WDR90: variants seen among roughly 807,000 people sequenced by gnomAD.
WDR90 encodes the protein WD repeat domain 90.
A neutral mutation model predicts 195.2 loss-of-function variants in WDR90; 238 were observed. The ratio of observed to expected loss-of-function variants is 1.22; its 90% CI spans 1.10 to 1.36. The LOEUF (loss-of-function observed/expected upper bound fraction) is 1.36, where lower values mean the gene tolerates loss of function less well. Among genes scored for constraint, WDR90 ranks in the 40% most tolerant of loss-of-function variants. WDR90 has a pLI of 0.00. For missense variants in WDR90, 2,734 were observed against 2,439.5 expected, an observed-to-expected ratio of 1.12 and a Z score of -2.54; for synonymous variants, 1,265 against 1,052.4, an observed-to-expected ratio of 1.20 and a Z score of -3.91.
At position 666,206 on chromosome 16, in the gene WDR90, C is replaced by T. The variant is rs775151257; in HGVS notation, c.4610-14C>T. 2.3e-5 allele frequency: 37 copies of T among 1,608,974 alleles called. No individual in the cohort carries two copies. The highest frequency in any genetic ancestry group is 2.7e-5 in the Non-Finnish European group (32 of 1,177,122). ...TCCGGGCTGGGGGCTCACAGGGTGA[C>T]GGCATGGTCCCAGGTCAGACTGTCC... is the stretch of plus-strand genomic sequence containing the variant. On this transcript the variant is annotated splice_polypyrimidine_tract_variant and intron_variant, in intron 36 of 40. Transcript: ENST00000293879.
chr16:663,174 A>G lies in WDR90; in HGVS notation c.4311+330A>G, dbSNP rs536992544. 1.0e-4 allele frequency: 41 copies of G among 407,952 alleles called. 1 individual carries two copies. Among genetic ancestry groups the G allele is most frequent in the African/African-American group, 7.7e-4 (38 of 49,096 alleles). 25.3% of individuals were successfully genotyped at this position (407,952 alleles called of 1,614,324 possible). ...CACATCAGTCCGGGCGTGGTGGTTC[A>G]TGCCTGTGATCCCAGCACTCTGGGA... On this transcript the variant is annotated intron_variant, in intron 34 of 40. Coordinates refer to ENST00000293879, the MANE Select transcript of WDR90 (RefSeq NM_145294.5).
chr16:653,084 G>A (rs1414997642), intron 10 of WDR90, among the ~76,000 whole-genome samples: 1 of 152,216 alleles, frequency 6.6e-6, no homozygotes, highest in Non-Finnish European at 1.5e-5. Context: ...TAGAGGACAG[G>A]CGTCTGTGCA....
rs2037661043 is a variant in WDR90, at chr16:652,169, A to C, written c.1053+130A>C. The C allele has an allele frequency of 2.6e-6, 3 of 1,176,116 alleles. No individual in the cohort carries two copies. The Admixed American group carries it at 7.0e-5, about 27-fold the overall frequency. The allele number at this position is 1,176,116 out of a possible 1,614,324, so 72.9% of individuals were successfully genotyped here. On this transcript the variant is annotated intron_variant, in intron 9 of 40. Transcript: ENST00000293879. ...CCTCTTGTTCAGCCTCCTGGCAAGG[A>C]GCAGAGCTGGCGGGAGGCGGCTTTG... is the stretch of plus-strand genomic sequence containing the variant.
At position 651,965 on chromosome 16, in the gene WDR90, A is replaced by G; in HGVS notation, c.979A>G (p.Thr327Ala). Residue 327 changes from threonine (T) to alanine (A), a missense_variant, in exon 9 of 41, where the codon ACG (threonine) becomes GCG (alanine). Coordinates refer to ENST00000293879, the MANE Select transcript of WDR90 (RefSeq NM_145294.5). ...CCAGCTGGAGGCCTCTGACATCCACACGGCTGCTGCCGGCACCCACGTGTT... is the reference window on the plus strand; with the variant it reads ...CCAGCTGGAGGCCTCTGACATCCACGCGGCTGCTGCCGGCACCCACGTGTT... Reference protein sequence around the residue: ...WAQLEASDIHTAAAGTHVLTH... With the variant: ...WAQLEASDIHAAAAGTHVLTH... 6.2e-7 allele frequency: 1 copy of G among 1,607,788 alleles called. No homozygotes were observed.
In WDR90 at chr16:665,965, G is replaced by T. The variant is rs778016257; in HGVS notation, c.4450G>T (p.Ala1484Ser). 6.3e-7 allele frequency: 1 copy of T among 1,591,528 alleles called. No homozygotes were observed. Among genetic ancestry groups the T allele is most frequent in the Non-Finnish European group, 8.5e-7 (1 of 1,171,104 alleles). The change falls in exon 36 of 41, where the codon GCA (alanine) becomes TCA (serine). Residue 1484 changes from alanine (A) to serine (S), a missense_variant. Coordinates refer to ENST00000293879, the MANE Select transcript of WDR90 (RefSeq NM_145294.5). ...GGGTCCCCAGAGCTGCCTCTGCCTG[G>T]CATGGAGCCCCCCGTGCTGTGGCCG... The part of the protein sequence containing the change: ...QVLNQSCLCL[A>S]WSPPCCGRPE...
chr16:667,528 C>T lies in WDR90; in HGVS notation c.5186C>T (p.Ala1729Val), dbSNP rs778638466. The T allele has an allele frequency of 6.2e-7, 1 of 1,612,328 alleles. No homozygotes were observed. The highest frequency in any genetic ancestry group is 1.1e-5 in the South Asian group (1 of 91,086). Reference sequence around the variant, plus strand: ...CACCTGTGCAGGTTTACACCGTCCGCCAGGCTGCTCTTCACGGCCGCCCGC... The same window carrying T: ...CACCTGTGCAGGTTTACACCGTCCGTCAGGCTGCTCTTCACGGCCGCCCGC... ...AVHLCRFTPS[A>V]RLLFTAARNE... Residue 1729 changes from alanine (A) to valine (V), a missense_variant, in exon 41 of 41, where the codon GCC becomes GTC. By Grantham distance (64) the Ala-to-Val change is moderately conservative. Coordinates refer to ENST00000293879, the MANE Select transcript of WDR90 (RefSeq NM_145294.5).
intron 34 of WDR90, chr16:663,542 C>A: frequency 5.5e-6 from 1 of 180,306 alleles, no homozygotes; most frequent in Non-Finnish European, 1.2e-5. Flanking sequence ...CTCAAGAGGT[C>A]AGGAGGCCCA....
rs1205389883 is a variant in WDR90 at position 661,345 on chromosome 16, C to T, written c.3517C>T (p.Leu1173=). 3 of 1,600,066 alleles carry T rather than the reference C, an allele frequency of 1.9e-6. No homozygotes were observed. Among genetic ancestry groups the T allele is most frequent in the African/African-American group, 1.3e-5 (1 of 74,948 alleles). Residue 1173 remains leucine, a synonymous_variant, in exon 30 of 41, where the codon CTG becomes TTG. Transcript: ENST00000293879. ...TLALSHSAQV[L]ASASGRSSTT... The stretch of plus-strand genomic sequence containing the variant: ...CGCCTGGCCTCTTGCCTGCCAGGTC[C>T]TGGCCTCTGCCTCGGGCCGAAGCAG...
At chr16:655,964 C>T (rs771202186) in intron 17 of WDR90, 75 bp downstream of exon 17, 28 of 1,475,886 alleles carry the variant, frequency 1.9e-5, no homozygotes, top group African/African-American at 2.8e-5. Context: ...GCCCAGTCCC[C>T]GGGGCTCTGC....
In WDR90 at chr16:657,489, C is replaced by G. The variant is rs1430511328; in HGVS notation, c.2473+268C>G. ...CCAGGTCAGCAGCTGGAGTCAGACC[C>G]AGGCATGGGCACCTGCCCTGTCCTG... is the stretch of plus-strand genomic sequence containing the variant. On this transcript the variant is annotated intron_variant, in intron 20 of 40. Coordinates refer to ENST00000293879, the MANE Select transcript of WDR90 (RefSeq NM_145294.5). 4.3e-6 allele frequency: 3 copies of G among 700,148 alleles called. No individual in the cohort carries two copies. In the East Asian group the frequency reaches 8.6e-5, roughly 20 times the overall value. 43.4% of individuals were successfully genotyped at this position (700,148 alleles called of 1,614,324 possible).
In WDR90 at chr16:661,055, C is replaced by G; in HGVS notation, c.3396C>G (p.Phe1132Leu). 2.0e-6 allele frequency: 3 copies of G among 1,468,058 alleles called. No individual in the cohort carries two copies. The highest frequency in any genetic ancestry group is 1.8e-6 in the Non-Finnish European group (2 of 1,112,740). The allele number at this position is 1,468,058 out of a possible 1,614,324, so 90.9% of individuals were successfully genotyped here. The change falls in exon 29 of 41, where the codon TTC becomes TTG. Residue 1132 changes from phenylalanine to leucine, a missense_variant. Transcript: ENST00000293879. ...CCCCGCCCTCTCTGCGCACAGGCTT[C>G]TTTGCCTACACGTGCGGCCGCCTGG... ...ANMVWRPDTG[F>L]FAYTCGRLVV...
chr16:666,182 C>A (rs1567224318), intron 36 of WDR90, 38 bp from the exon 37 acceptor site: 1 of 1,606,560 alleles, frequency 6.2e-7, no homozygotes. Flanking sequence ...GGTCCAGTCT[C>A]CGGGCTGGGG....
At chr16:661,295 C>T (rs2037907663) in intron 29 of WDR90, 47 bp from the exon 30 acceptor site, 2 of 1,548,322 alleles carry the variant, frequency 1.3e-6, no homozygotes, top group East Asian at 2.3e-5. Context: ...GCCTCCACTC[C>T]AGCCAGCCAC....
At chr16:649,928 C>T (rs1214267679) in intron 2 of WDR90, 63 bp from the exon 3 acceptor site, 2 of 1,602,384 alleles carry the variant, frequency 1.2e-6, no homozygotes, top group Admixed American at 3.4e-5. Context: ...CCCCCGAGGG[C>T]CCCCTCGCCC....
intron 14 of WDR90, 30 bp downstream of exon 14, chr16:655,177 G>A: frequency 6.2e-7 from 1 of 1,612,382 alleles, no homozygotes. Flanking sequence ...ACGATGTTGG[G>A]AGAGGGTCTG....
intron 35 of WDR90, 70 bp from the exon 36 acceptor site, chr16:665,880 T>C (rs1273922065): frequency 1.3e-6 from 2 of 1,553,306 alleles, no homozygotes; most frequent in African/African-American, 1.4e-5. Context: ...GGCCGCCTCC[T>C]CCCTCTGGCC....
intron 34 of WDR90, chr16:665,313 A>C (rs1253934694): frequency 6.3e-6 from 3 of 474,432 alleles, no homozygotes; most frequent in Non-Finnish European, 1.1e-5. Context: ...CCTGTCTTTC[A>C]GCCTCAGTCT....
rs1009070752 is a variant in WDR90 at position 657,189 on chromosome 16, C to A, written c.2441C>A (p.Ala814Glu). Residue 814 changes from alanine to glutamate, a missense_variant, in exon 20 of 41, where the codon GCG (alanine) becomes GAG (glutamate). Physicochemically the swap from Ala to Glu is moderately radical, Grantham distance 107. Transcript: ENST00000293879. ...GGCTCCCTGGCCCAGTACAGCTGTG[C>A]GGACCCCCAGTGGCATGTCCTCCGA... ...SQGSLAQYSCADPQWHVLRVA... is the reference protein window; with the variant it reads ...SQGSLAQYSCEDPQWHVLRVA... 2 of 1,554,984 alleles carry A rather than the reference C, an allele frequency of 1.3e-6. No homozygotes were observed. Among genetic ancestry groups the A allele is most frequent in the Non-Finnish European group, 1.7e-6 (2 of 1,149,908 alleles).
Position 658,653 on chromosome 16 carries a change from G to A in WDR90, c.2895G>A (p.Gln965=), listed in dbSNP as rs1350465456. 7 of 1,607,196 alleles carry A rather than the reference G, an allele frequency of 4.4e-6. No homozygotes were observed. Among genetic ancestry groups the A allele is most frequent in the African/African-American group, 1.3e-5 (1 of 74,796 alleles). ...DYATQASPGP[Q]VYIGHSEPVQ... is the part of the protein sequence containing the mutation. ...CCACACAGGCCAGCCCAGGCCCCCA[G>A]GTGTGTGCGTGGGGAGGCAGGTGGC... Residue 965 remains glutamine, a splice_region_variant and synonymous_variant, in exon 23 of 41, where the codon CAG becomes CAA. Coordinates refer to ENST00000293879, the MANE Select transcript of WDR90 (RefSeq NM_145294.5).
Sources: gnomAD v4.1 joint callset for allele counts (sites outside exome capture counted in the v4.1 genomes callset) on GRCh38, gnomAD v4.1.1 for gene constraint, MANE v1.5 for transcripts, NCBI Gene and HGNC (gene_info 2026-07-23, HGNC 2026-07-21) for gene names.